Variants in INPP5B observed in about 807,000 individuals in gnomAD.
The protein encoded by INPP5B is inositol polyphosphate-5-phosphatase B.
INPP5B carries 90 observed loss-of-function variants against 118.5 expected under a neutral mutation model. The observed-to-expected ratio is 0.76, with a 90% CI of 0.64 to 0.90. The LOEUF (loss-of-function observed/expected upper bound fraction) is 0.90. Ranked by LOEUF, INPP5B falls within the 40% of genes least tolerant of loss-of-function variation. The probability of loss-of-function intolerance (pLI) is 0.00; values close to 1 mark genes in which losing one functional copy is unlikely to be tolerated. For synonymous variants in INPP5B, 385 were observed against 418.9 expected (o/e 0.92, Z 0.99); for missense variants, 984 against 1,125.6 (o/e 0.87, Z 1.80).
At position 37,885,838 on chromosome 1, in the gene INPP5B, T is replaced by A; in HGVS notation, c.1132-13A>T. On this transcript the variant is annotated splice_polypyrimidine_tract_variant and intron_variant, in intron 12 of 23. Coordinates refer to ENST00000373024, the MANE Select transcript of INPP5B (RefSeq NM_005540.3). Reference sequence around the variant, plus strand: ...CTCCCTTGTTGCCCTATGGAAAGGATCCCCAAAGAAATCCAATTCAAACTT... The same window carrying A: ...CTCCCTTGTTGCCCTATGGAAAGGAACCCCAAAGAAATCCAATTCAAACTT... 6.2e-7 allele frequency: 1 copy of A among 1,611,274 alleles called. No homozygotes were observed. The highest frequency in any genetic ancestry group is 8.5e-7 in the Non-Finnish European group (1 of 1,178,114).
At chr1:37,940,393 T>C (rs138353398) in intron 6 of INPP5B, among the ~76,000 whole-genome samples, 6 of 152,314 alleles carry the variant, frequency 3.9e-5, no homozygotes, top group East Asian at 1.9e-4. Context: ...CTGCTTAGTC[T>C]GCCAACTTGT....
intron 19 of INPP5B, among the ~76,000 whole-genome samples, chr1:37,871,461 A>G (rs1169895813): frequency 6.6e-6 from 1 of 151,446 alleles, no homozygotes; most frequent in Non-Finnish European, 1.5e-5. Flanking sequence ...CCGACTCACA[A>G]AAGAAAACAA....
rs761321485 is a variant in INPP5B at position 37,864,370 on chromosome 1, C to T, written c.2568G>A (p.Ala856=). The change falls in exon 23 of 24, where the codon GCG becomes GCA. Residue 856 remains alanine (A), a synonymous_variant. Transcript: ENST00000373024. ...FHKNVFHYLM[A]FLRELLKNSA... ...AATTTTTCAGCAGTTCTCGCAAAAA[C>T]GCCATCAAGTAGTGGAAGACATTTT... 26 of 1,613,350 alleles carry T rather than the reference C, an allele frequency of 1.6e-5. No homozygotes were observed. In the Middle Eastern group the frequency reaches 4.9e-4, roughly 31 times the overall value.
chr1:37,945,667 C>T, intron 3 of INPP5B, 89 bp downstream of exon 3: 1 of 864,476 alleles, frequency 1.2e-6, no homozygotes, highest in Non-Finnish European at 1.9e-6. Flanking sequence ...TCAGACCCTG[C>T]CCTGGAGGGA....
intron 21 of INPP5B, 57 bp downstream of exon 21, chr1:37,866,402 T>TCACACACACACACA (rs770631435): frequency 1.9e-4 from 132 of 680,970 alleles, no homozygotes; most frequent in Non-Finnish European, 2.3e-4. Flanking sequence ...TCTCTCTCTC[T>TCACACACACACACA]CTCTCACACA....
intron 13 of INPP5B, 130 bp from the exon 14 acceptor site, chr1:37,883,048 C>T (rs979416680): frequency 2.6e-5 from 38 of 1,441,422 alleles, no homozygotes; most frequent in Middle Eastern, 4.7e-4. Flanking sequence ...CTCAACTGTT[C>T]GGAAAATTTT....
intron 7 of INPP5B, among the ~76,000 whole-genome samples, chr1:37,903,535 G>A (rs1644402856): frequency 6.6e-6 from 1 of 152,158 alleles, no homozygotes; most frequent in African/African-American, 2.4e-5. Flanking sequence ...GACCATTCTG[G>A]CTAACACGGT....
intron 7 of INPP5B, chr1:37,931,458 TAC>T: frequency 5.9e-6 from 9 of 1,530,468 alleles, no homozygotes; most frequent in Non-Finnish European, 6.1e-6. Context: ...GATTCCCAAG[TAC>T]CCCATTCCCA....
intron 6 of INPP5B, among the ~76,000 whole-genome samples, chr1:37,936,542 AC>A (rs1421590657): frequency 2.0e-5 from 3 of 151,652 alleles, no homozygotes; most frequent in African/African-American, 7.3e-5. Flanking sequence ...AATCGCTTGA[AC>A]CCGGGAGGTG....
In INPP5B at chr1:37,882,909, C is replaced by G; in HGVS notation, c.1329G>C (p.Leu443Phe). Residue 443 changes from leucine to phenylalanine, a missense_variant, in exon 14 of 24, where the codon TTG (leucine) becomes TTC (phenylalanine). This residue lies in a region of INPP5B where 634 missense variants were observed against 791.0 expected (regional missense o/e 0.80). Coordinates refer to ENST00000373024, the MANE Select transcript of INPP5B (RefSeq NM_005540.3). Reference protein sequence around the residue: ...PLTISNHDVILWLGDLNYRIE... With the variant: ...PLTISNHDVIFWLGDLNYRIE... ...TCCTGTAGTTGAGGTCCCCCAGCCA[C>G]AAGATCACACTGTGAGGACAGAGCA... 1.2e-6 allele frequency: 2 copies of G among 1,614,120 alleles called. No homozygotes were observed. Among genetic ancestry groups the G allele is most frequent in the Non-Finnish European group, 1.7e-6 (2 of 1,179,988 alleles).
chr1:37,896,442 C>T (rs1295533251), intron 7 of INPP5B, among the ~76,000 whole-genome samples: 4 of 150,352 alleles, frequency 2.7e-5, no homozygotes, highest in East Asian at 4.1e-4. Context: ...GCCCCCCGCC[C>T]GGCCAGCTGC....
chr1:37,895,854 G>C (rs368169285), intron 7 of INPP5B, among the ~76,000 whole-genome samples: 2 of 152,080 alleles, frequency 1.3e-5, no homozygotes, highest in Non-Finnish European at 1.5e-5. Context: ...GCGTGATCTC[G>C]GCTCGCTACA....
In INPP5B at chr1:37,945,816, C is replaced by T. The variant is rs772675893; in HGVS notation, c.92G>A (p.Arg31Gln). The change falls in exon 3 of 24, where the codon CGG (arginine) becomes CAG (glutamine). Residue 31 changes from arginine (R) to glutamine (Q), a missense_variant. Physicochemically the swap from Arg to Gln is conservative, Grantham distance 43. This residue lies in a region of INPP5B where 350 missense variants were observed against 334.6 expected (regional missense o/e 1.05). Transcript: ENST00000373024. ...CACGAGTCCCAGGAGGCGGCTCTGC[C>T]GGCTGTCCCCCTCACACAGCACACC... ...VQGVLCEGDS[R>Q]QSRLLGLVRY... The T allele has an allele frequency of 1.8e-5, 29 of 1,614,026 alleles. 1 individual carries two copies. The highest frequency in any genetic ancestry group is 3.3e-4 in the Middle Eastern group (2 of 6,062).
chr1:37,929,739 T>TAAA (rs1645377736), intron 7 of INPP5B: 4 of 147,270 alleles, frequency 2.7e-5, no homozygotes, highest in Admixed American at 2.0e-4. Context: ...AGAGAAAAAT[T>TAAA]TTTTTTTTTT....
At chr1:37,908,854 A>G (rs1410979242) in intron 7 of INPP5B, among the ~76,000 whole-genome samples, 1 of 151,612 alleles carries the variant, frequency 6.6e-6, no homozygotes, top group African/African-American at 2.4e-5. Flanking sequence ...TCACCCACCC[A>G]CTTCTCCATG....
chr1:37,862,351 T>G lies in INPP5B; in HGVS notation c.2706A>C (p.Gln902His). 2 of 1,614,084 alleles carry G rather than the reference T, an allele frequency of 1.2e-6. No homozygotes were observed. The highest frequency in any genetic ancestry group is 3.3e-5 in the Admixed American group (2 of 60,024). Residue 902 changes from glutamine (Q) to histidine (H), a missense_variant, in exon 24 of 24, where the codon CAA becomes CAC. Around this residue, in one of 2 missense-constraint regions of INPP5B, gnomAD observed 634 missense variants for 791.0 expected, o/e 0.80. Coordinates refer to ENST00000373024, the MANE Select transcript of INPP5B (RefSeq NM_005540.3). ...TGCAGAGGAACTGGTGAATAAATTC[T>G]TGAGCCTTCTTCTTCTCTGTCATAT... ...KLDMTEKKKA[Q>H]EFIHQFLCNP...
intron 17 of INPP5B, among the ~76,000 whole-genome samples, chr1:37,875,329 C>T (rs1642721896): frequency 6.6e-6 from 1 of 152,084 alleles, no homozygotes; most frequent in Non-Finnish European, 1.5e-5. Flanking sequence ...AGTGCAGTGG[C>T]GCGATCTCGG....
rs57019964 is a variant in INPP5B at position 37,866,385 on chromosome 1, TTCTC to T, written c.2386+70_2386+73del. On this transcript the variant is annotated intron_variant, in intron 21 of 23. Transcript: ENST00000373024. ...CTTTTTCTCACCCCTCTCACTCATA[TTCTC>T]TCTCTCTCTCTCTCTCTCACACACA... 1,108 of 605,570 alleles carry T rather than the reference TTCTC, an allele frequency of 1.8e-3. 3 individuals carry two copies. The highest frequency in any genetic ancestry group is 2.4e-3 in the Non-Finnish European group (800 of 334,054). The allele number at this position is 605,570 out of a possible 1,614,324, so 37.5% of individuals were successfully genotyped here.
At chr1:37,944,112 G>A (rs1464379025) in intron 3 of INPP5B, among the ~76,000 whole-genome samples, 1 of 152,146 alleles carries the variant, frequency 6.6e-6, no homozygotes, top group Non-Finnish European at 1.5e-5. Flanking sequence ...CTCATCTGCA[G>A]GAGCCCCTGA....
Sources: gnomAD v4.1 joint callset for allele counts (sites outside exome capture counted in the v4.1 genomes callset) on GRCh38, gnomAD v4.1.1 for gene constraint, gnomAD v4.1.1 regional missense constraint, MANE v1.5 for transcripts, NCBI Gene and HGNC (gene_info 2026-07-23, HGNC 2026-07-21) for gene names.